Variants in STAC2 observed in about 807,000 individuals in gnomAD.
The protein encoded by STAC2 is SH3 and cysteine rich domain 2, also known as SH3 and cysteine-rich domain-containing protein 2.
STAC2 carries 36 observed loss-of-function variants against 49.0 expected under a neutral mutation model. The observed-to-expected ratio is 0.74, with a 90% confidence interval of 0.56 to 0.97. The LOEUF is 0.97. Ranked by LOEUF, STAC2 falls within the 50% of genes least tolerant of loss-of-function variation. The pLI, the probability that STAC2 is intolerant of heterozygous loss-of-function variation, is 0.00. For missense variants in STAC2, 527 were observed against 543.8 expected, an observed-to-expected ratio of 0.97 and a Z score of 0.31; for synonymous variants, 239 against 214.7, an observed-to-expected ratio of 1.11 and a Z score of -0.99.
At chr17:39,215,743 G>C (rs574011078) in intron 4 of STAC2, among the ~76,000 whole-genome samples, 1 of 151,834 alleles carries the variant, frequency 6.6e-6, no homozygotes, top group South Asian at 2.1e-4. Flanking sequence ...TCGCTCTGCC[G>C]CCCAGGCTGG....
chr17:39,225,527 G>C lies in STAC2; in HGVS notation c.-25C>G. On this transcript the variant is annotated 5_prime_UTR_variant, in exon 1 of 11. Coordinates refer to ENST00000333461, the MANE Select transcript of STAC2 (RefSeq NM_198993.5). This position sits in a 1 kb window ranked among gnomAD's most constrained non-coding sequence, Gnocchi z 8.2. Reference sequence around the variant, plus strand: ...TGGTTCGGGGAGAGGGGAGGAGAGGGTGCCGAGATCCGACGGCAGGCCCAC... The same window carrying C: ...TGGTTCGGGGAGAGGGGAGGAGAGGCTGCCGAGATCCGACGGCAGGCCCAC... 5.0e-6 allele frequency: 8 copies of C among 1,606,470 alleles called. No individual in the cohort carries two copies. The highest frequency in any genetic ancestry group is 6.8e-6 in the Non-Finnish European group (8 of 1,176,990).
At chr17:39,218,687 T>C (rs1391541657) in intron 1 of STAC2, among the ~76,000 whole-genome samples, 2 of 152,126 alleles carry the variant, frequency 1.3e-5, no homozygotes, top group Non-Finnish European at 2.9e-5. Context: ...CATAAATAGA[T>C]TCATCATTCT....
At chr17:39,217,404 GT>G (rs1442937043) in intron 2 of STAC2, among the ~76,000 whole-genome samples, 1 of 152,064 alleles carries the variant, frequency 6.6e-6, no homozygotes, top group Non-Finnish European at 1.5e-5. Context: ...ACCCTTGGTG[GT>G]GCTCCTCTCT....
intron 1 of STAC2, among the ~76,000 whole-genome samples, chr17:39,220,175 C>T: frequency 6.6e-6 from 1 of 152,160 alleles, no homozygotes; most frequent in Non-Finnish European, 1.5e-5. Context: ...CCCCAGGCCC[C>T]AGATGCCTGG....
At chr17:39,222,766 C>A (rs1207488498) in intron 1 of STAC2, among the ~76,000 whole-genome samples, 2 of 152,170 alleles carry the variant, frequency 1.3e-5, no homozygotes, top group Non-Finnish European at 2.9e-5. Flanking sequence ...AAAGTCTGTT[C>A]TTCTGAATCC....
intron 7 of STAC2, 191 bp from the exon 8 acceptor site, chr17:39,214,521 G>A: frequency 1.1e-6 from 1 of 933,412 alleles, no homozygotes; most frequent in Non-Finnish European, 1.3e-6. Context: ...CGGGAATGGA[G>A]AGGGGAGCCC....
rs142550380 is a variant in STAC2 at position 39,224,409 on chromosome 17, C to A, written c.90+1004G>T. On this transcript the variant is annotated intron_variant, in intron 1 of 10. Coordinates refer to ENST00000333461, the MANE Select transcript of STAC2 (RefSeq NM_198993.5). Reference sequence around the variant, plus strand: ...GCCCTTTCTATCCCAACCCCAGGCCCGCTCAGGTTGATCCCGCAGAAACAG... The same window carrying A: ...GCCCTTTCTATCCCAACCCCAGGCCAGCTCAGGTTGATCCCGCAGAAACAG... Among the ~76,000 whole-genome samples the A allele has an allele frequency of 8.9e-3, 1,350 of 152,270 alleles. 27 individuals are homozygous for A. Among genetic ancestry groups the A allele is most frequent in the African/African-American group, 0.031 (1,286 of 41,564 alleles).
chr17:39,217,307 C>T, intron 2 of STAC2, 134 bp from the exon 3 acceptor site: 2 of 792,948 alleles, frequency 2.5e-6, no homozygotes, highest in Non-Finnish European at 4.1e-6. Flanking sequence ...CTACCCCTCA[C>T]ACAGTCAGGG....
At chr17:39,216,140 C>A (rs911480413) in intron 4 of STAC2, among the ~76,000 whole-genome samples, 1 of 152,066 alleles carries the variant, frequency 6.6e-6, no homozygotes, top group African/African-American at 2.4e-5. Context: ...ATGAAGACAG[C>A]GAGCTTTTTC....
At chr17:39,214,640 T>A (rs2046384519) in intron 7 of STAC2, 151 bp downstream of exon 7, 7 of 1,138,370 alleles carry the variant, frequency 6.1e-6, no homozygotes, top group Non-Finnish European at 8.6e-6. Context: ...TCCCATGCCC[T>A]CTCATCCTGG....
At chr17:39,216,157 C>T (rs974736767) in intron 4 of STAC2, among the ~76,000 whole-genome samples, 1 of 152,000 alleles carries the variant, frequency 6.6e-6, no homozygotes, top group African/African-American at 2.4e-5. Flanking sequence ...TTTCTTTTCT[C>T]TTAATTTAGA....
Position 39,220,431 on chromosome 17 carries a change from C to T in STAC2, c.91-2258G>A, listed in dbSNP as rs1597736580. On this transcript the variant is annotated intron_variant, in intron 1 of 10. Transcript: ENST00000333461. ...TGCCTGAAGGCAAATCACCCCACTT[C>T]TTCTCTCTGAGCCTCAGTTTCCCCA... is the stretch of plus-strand genomic sequence containing the variant. Among the ~76,000 whole-genome samples the T allele has an allele frequency of 3.3e-5, 5 of 152,168 alleles. No individual in the cohort carries two copies. The Middle Eastern group carries it at 0.014, about 414-fold the overall frequency.
Position 39,215,368 on chromosome 17 carries a change from C to T in STAC2, c.587-138G>A, listed in dbSNP as rs2046393207. 12 of 829,894 alleles carry T rather than the reference C, an allele frequency of 1.4e-5. No homozygotes were observed. In the South Asian group the frequency reaches 2.0e-4, roughly 14 times the overall value. The allele number at this position is 829,894 out of a possible 1,614,324, so 51.4% of individuals were successfully genotyped here. A position where few individuals can be genotyped will look rare whatever the true frequency, so the allele number is the denominator to read the frequency against. ...CAGGTCTTCCTCATCCCAGAGATGGCTCTGGGTCCTCCCATGGTGCCCATG... is the reference window on the plus strand; with the variant it reads ...CAGGTCTTCCTCATCCCAGAGATGGTTCTGGGTCCTCCCATGGTGCCCATG... On this transcript the variant is annotated intron_variant, in intron 4 of 10. Coordinates refer to ENST00000333461, the MANE Select transcript of STAC2 (RefSeq NM_198993.5).
chr17:39,211,903 G>T lies in STAC2; in HGVS notation c.*389C>A, dbSNP rs11657409. 0.3 allele frequency: 55,556 copies of T among 185,838 alleles called. 9,331 individuals are homozygous for T. Among genetic ancestry groups the T allele is most frequent in the South Asian group, 0.44 (4,057 of 9,136 alleles). 11.5% of individuals were successfully genotyped at this position (185,838 alleles called of 1,614,324 possible). On this transcript the variant is annotated 3_prime_UTR_variant, in exon 11 of 11. Transcript: ENST00000333461. ...AAGCAGAGGCTCTGTGGGGAGAGGGGTGTGCCAGGCATGCGCAGGTGGTGT... is the reference window on the plus strand; with the variant it reads ...AAGCAGAGGCTCTGTGGGGAGAGGGTTGTGCCAGGCATGCGCAGGTGGTGT...
intron 1 of STAC2, among the ~76,000 whole-genome samples, chr17:39,221,761 C>A (rs767691571): frequency 9.9e-5 from 15 of 151,344 alleles, no homozygotes; most frequent in Non-Finnish European, 1.9e-4. Context: ...CTGGGCCTCA[C>A]CCTCGCCTCT....
intron 9 of STAC2, 103 bp from the exon 10 acceptor site, chr17:39,213,235 C>T: frequency 1.3e-6 from 2 of 1,544,714 alleles, no homozygotes; most frequent in East Asian, 2.3e-5. Context: ...ATGCCATCAT[C>T]CTCCAGATCT....
At position 39,213,070 on chromosome 17, in the gene STAC2, G is replaced by C. The variant is rs548912469; in HGVS notation, c.1056C>G (p.Gly352=). Residue 352 remains glycine (G), a synonymous_variant, in exon 10 of 11, where the codon GGC becomes GGG. Transcript: ENST00000333461. ...PANFVQRVRP[G]ENVWRCCQPF... is the part of the protein sequence containing the mutation. Reference sequence around the variant, plus strand: ...GTTGGCAGCAGCGCCAAACATTCTCGCCTGGCCTCACCCGTTGCACAAAAT... The same window carrying C: ...GTTGGCAGCAGCGCCAAACATTCTCCCCTGGCCTCACCCGTTGCACAAAAT... 5 of 1,613,436 alleles carry C rather than the reference G, an allele frequency of 3.1e-6. No homozygotes were observed. The highest frequency in any genetic ancestry group is 1.1e-5 in the South Asian group (1 of 91,080).
At chr17:39,216,613 T>C (rs1283096430) in intron 4 of STAC2, among the ~76,000 whole-genome samples, 197 bp downstream of exon 4, 3 of 152,046 alleles carry the variant, frequency 2.0e-5, no homozygotes, top group African/African-American at 2.4e-5. Context: ...ATTTCTTTCT[T>C]TTTTTTTGAG....
rs1597740169 is a variant in STAC2, at chr17:39,225,578, G to T, written c.-76C>A. 1 of 1,409,266 alleles carries T rather than the reference G, an allele frequency of 7.1e-7. No individual in the cohort carries two copies. The highest frequency in any genetic ancestry group is 2.4e-5 in the East Asian group (1 of 42,136). The allele number at this position is 1,409,266 out of a possible 1,614,324, so 87.3% of individuals were successfully genotyped here. On this transcript the variant is annotated 5_prime_UTR_variant, in exon 1 of 11. Coordinates refer to ENST00000333461, the MANE Select transcript of STAC2 (RefSeq NM_198993.5). This position sits in a 1 kb window ranked among gnomAD's most constrained non-coding sequence, Gnocchi z 8.2. ...CGCGGGCAGGCTGCGGGTGGCGGGCGTCTCCGGGACTCTGAAGCCGTTCTC... is the reference window on the plus strand; with the variant it reads ...CGCGGGCAGGCTGCGGGTGGCGGGCTTCTCCGGGACTCTGAAGCCGTTCTC...
Sources: gnomAD v4.1 joint callset for allele counts (sites outside exome capture counted in the v4.1 genomes callset) on GRCh38, gnomAD v4.1.1 for gene constraint, Gnocchi (gnomAD v3.1) non-coding constraint, MANE v1.5 for transcripts, NCBI Gene and HGNC (gene_info 2026-07-23, HGNC 2026-07-21) for gene names.